Variants in MOSMO observed in about 807,000 individuals in gnomAD.
MOSMO encodes the protein modulator of smoothened.
Under a neutral mutation model 18.4 loss-of-function variants are expected in MOSMO, and 5 were observed. That is an observed-to-expected ratio of 0.27 (90% CI 0.14 to 0.57). MOSMO has a LOEUF of 0.57. Ranked by LOEUF, MOSMO falls within the 20% of genes least tolerant of loss-of-function variation. MOSMO has a pLI of 0.92. For synonymous variants in MOSMO, 82 were observed against 82.3 expected, an observed-to-expected ratio of 1.00 and a Z score of 0.02; for missense variants, 138 against 211.8, an observed-to-expected ratio of 0.65 and a Z score of 2.16.
At chr16:22,010,641 G>A (rs1353038294) in intron 1 of MOSMO, among the ~76,000 whole-genome samples, 1 of 152,182 alleles carries the variant, frequency 6.6e-6, no homozygotes, top group Non-Finnish European at 1.5e-5. Flanking sequence ...GGGCATAGCC[G>A]GGCGTGGTGG....
chr16:22,088,571 AT>A (rs1240002151), downstream of MOSMO, among the ~76,000 whole-genome samples: 1 of 152,142 alleles, frequency 6.6e-6, no homozygotes, highest in Admixed American at 6.5e-5. Flanking sequence ...AGGAATTCCT[AT>A]TTTCAAAAGC....
At chr16:22,074,455 T>C (rs1900924033) in intron 1 of MOSMO, among the ~76,000 whole-genome samples, 1 of 152,164 alleles carries the variant, frequency 6.6e-6, no homozygotes, top group Admixed American at 6.5e-5. Context: ...AAATCTGTTA[T>C]GTTTCTAATA....
chr16:22,088,663 T>TA (rs1430540142), downstream of MOSMO, among the ~76,000 whole-genome samples: 1 of 152,230 alleles, frequency 6.6e-6, no homozygotes, highest in Non-Finnish European at 1.5e-5. Flanking sequence ...TGCTTTCCCA[T>TA]ATGTCATCTT....
intron 1 of MOSMO, among the ~76,000 whole-genome samples, chr16:22,032,330 A>G (rs1490697354): frequency 6.6e-6 from 1 of 151,606 alleles, no homozygotes; most frequent in Non-Finnish European, 1.5e-5. Flanking sequence ...AGGTGGGATT[A>G]CAGGTGCATG....
At chr16:22,021,634 CAA>C (rs1899764758) in intron 1 of MOSMO, among the ~76,000 whole-genome samples, 1 of 151,888 alleles carries the variant, frequency 6.6e-6, no homozygotes, top group South Asian at 2.1e-4. Context: ...CCTGTGTCTA[CAA>C]AAAATACAAA....
At chr16:22,014,101 G>C (rs1899590431) in intron 1 of MOSMO, among the ~76,000 whole-genome samples, 1 of 152,120 alleles carries the variant, frequency 6.6e-6, no homozygotes, top group Admixed American at 6.5e-5. Context: ...CAGAACTGGG[G>C]GAACTGCCCC....
chr16:22,047,187 A>G (rs1453151269), intron 1 of MOSMO, among the ~76,000 whole-genome samples: 1 of 151,360 alleles, frequency 6.6e-6, no homozygotes, highest in African/African-American at 2.4e-5. Flanking sequence ...TTCCACGTCA[A>G]TATACACAGA....
At chr16:22,047,411 A>AT (rs1292038161) in intron 1 of MOSMO, among the ~76,000 whole-genome samples, 1 of 151,526 alleles carries the variant, frequency 6.6e-6, no homozygotes, top group African/African-American at 2.4e-5. Flanking sequence ...CGCCCGGCTA[A>AT]TTTTTTGTAT....
intron 1 of MOSMO, among the ~76,000 whole-genome samples, chr16:22,023,650 C>G (rs1899809292): frequency 6.6e-6 from 1 of 151,950 alleles, no homozygotes; most frequent in South Asian, 2.1e-4. Flanking sequence ...GGCAAATCTC[C>G]AACTTGGCCA....
At chr16:22,046,359 A>T (rs1177447025) in intron 1 of MOSMO, among the ~76,000 whole-genome samples, 1 of 151,998 alleles carries the variant, frequency 6.6e-6, no homozygotes, top group Non-Finnish European at 1.5e-5. Context: ...CCCCTGGGGG[A>T]AATAGGGTTA....
chr16:22,082,441 G>A lies in MOSMO; in HGVS notation c.*1561G>A, dbSNP rs1325944901. On this transcript the variant is annotated 3_prime_UTR_variant, in exon 3 of 3. Transcript: ENST00000542527. ...ATCTCCTGTTTGAAATGTGGGACAG[G>A]GTGTTTCATGGCAGTGGAGCTAAGT... The A allele has an allele frequency of 6.6e-6, 1 of 152,090 alleles. No homozygotes were observed. Among genetic ancestry groups the A allele is most frequent in the African/African-American group, 2.4e-5 (1 of 41,398 alleles). The allele number at this position is 152,090 out of a possible 1,614,324, so 9.4% of individuals were successfully genotyped here.
At chr16:22,008,626 C>A (rs1899444982) in intron 1 of MOSMO, among the ~76,000 whole-genome samples, 1 of 151,660 alleles carries the variant, frequency 6.6e-6, no homozygotes, top group African/African-American at 2.4e-5. Flanking sequence ...GAGAGGCGCC[C>A]CAGGCCGGGT....
At chr16:22,059,423 T>C (rs184160382) in intron 1 of MOSMO, among the ~76,000 whole-genome samples, 1 of 152,314 alleles carries the variant, frequency 6.6e-6, no homozygotes, top group African/African-American at 2.4e-5. Flanking sequence ...TGTCATCTCT[T>C]ATTGCCTAAG....
In MOSMO at chr16:22,018,972, AG is replaced by A. The variant is rs574215683; in HGVS notation, c.106+10566del. On this transcript the variant is annotated intron_variant, in intron 1 of 2. Transcript: ENST00000542527. ...CAAATAGAATAATAAATACTTGTAT[AG>A]CATTTACTTTGTGACAGATTCTTTT... Among the ~76,000 whole-genome samples, 358 of 152,342 alleles carry A rather than the reference AG, an allele frequency of 2.3e-3. 4 individuals are homozygous for A. The highest frequency in any genetic ancestry group is 4.0e-4 in the Non-Finnish European group (27 of 68,026).
rs1234925132 is a variant in MOSMO, at chr16:22,008,502, C to T, written c.106+95C>T. Reference sequence around the variant, plus strand: ...CTGAGGAGAGGACGGGGTGGAGGGTCCCGGCCGGAGGCTAGCCTGAGGAGA... The same window carrying T: ...CTGAGGAGAGGACGGGGTGGAGGGTTCCGGCCGGAGGCTAGCCTGAGGAGA... On this transcript the variant is annotated intron_variant, in intron 1 of 2. Transcript: ENST00000542527. The T allele has an allele frequency of 5.7e-6, 5 of 884,270 alleles. No homozygotes were observed. In the Admixed American group the frequency reaches 1.1e-4, roughly 20 times the overall value. 54.8% of individuals were successfully genotyped at this position (884,270 alleles called of 1,614,324 possible).
At chr16:22,070,966 C>G (rs560600689) in intron 1 of MOSMO, among the ~76,000 whole-genome samples, 40 of 152,164 alleles carry the variant, frequency 2.6e-4, no homozygotes, top group Admixed American at 5.2e-4. Context: ...CAGCCCATTG[C>G]TAAAACATGA....
chr16:22,017,090 A>C (rs936864351), intron 1 of MOSMO, among the ~76,000 whole-genome samples: 14 of 152,204 alleles, frequency 9.2e-5, no homozygotes, highest in Non-Finnish European at 1.9e-4. Context: ...TCTGTAATGC[A>C]ACTGTGAGTT....
chr16:22,028,876 GTTTA>G (rs1299661719), intron 1 of MOSMO, among the ~76,000 whole-genome samples: 4 of 152,060 alleles, frequency 2.6e-5, no homozygotes, highest in Non-Finnish European at 5.9e-5. Context: ...TTGTTTGTTT[GTTTA>G]TTTATTTTGA....
chr16:22,068,587 T>A (rs1014228043), intron 1 of MOSMO, among the ~76,000 whole-genome samples: 1 of 152,234 alleles, frequency 6.6e-6, no homozygotes, highest in Non-Finnish European at 1.5e-5. Flanking sequence ...TCTTTGGATT[T>A]GCCTATTCTG....
Sources: allele counts gnomAD v4.1 joint callset (sites outside exome capture counted in the v4.1 genomes callset), GRCh38; gene constraint gnomAD v4.1.1; transcripts MANE v1.5; gene names NCBI Gene and HGNC (gene_info 2026-07-23, HGNC 2026-07-21).